GATB: variants seen among roughly 807,000 people sequenced by gnomAD.
GATB encodes glutamyl-tRNA(Gln) amidotransferase subunit B, mitochondrial.
GATB carries 39 observed loss-of-function variants against 62.3 expected under a neutral mutation model. The observed-to-expected ratio is 0.63, with a 90% CI of 0.48 to 0.82. GATB has a LOEUF of 0.82. GATB is among the 40% of genes least tolerant of loss of function. GATB has a pLI of 0.00. For synonymous variants in GATB, 276 were observed against 258.9 expected, an observed-to-expected ratio of 1.07 and a Z score of -0.63; for missense variants, 670 against 684.0, an observed-to-expected ratio of 0.98 and a Z score of 0.23.
At chr4:151,672,695 C>T (rs1210867331) in intron 12 of GATB, 67 bp downstream of exon 12, 44 of 1,541,304 alleles carry the variant, frequency 2.9e-5, no homozygotes, top group Admixed American at 7.6e-5. Flanking sequence ...CCACAGGGAG[C>T]GATGGCGAGG....
intron 8 of GATB, among the ~76,000 whole-genome samples, chr4:151,702,118 A>G (rs969688280): frequency 7.2e-5 from 11 of 152,256 alleles, no homozygotes; most frequent in African/African-American, 2.4e-4. Context: ...CACTGTTGAC[A>G]GAAACATCCA....
At chr4:151,693,850 T>C (rs1280518575) in intron 9 of GATB, among the ~76,000 whole-genome samples, 1 of 152,186 alleles carries the variant, frequency 6.6e-6, no homozygotes, top group Non-Finnish European at 1.5e-5. Context: ...AATGTGAAAA[T>C]GACTTTACAT....
At chr4:151,691,294 A>C (rs765153072) in intron 9 of GATB, among the ~76,000 whole-genome samples, 30 of 152,294 alleles carry the variant, frequency 2.0e-4, no homozygotes, top group Non-Finnish European at 4.0e-4. Context: ...CAGAGAGTCA[A>C]GTTCCCTGGC....
At chr4:151,695,396 A>G (rs1365580802) in intron 9 of GATB, among the ~76,000 whole-genome samples, 1 of 152,118 alleles carries the variant, frequency 6.6e-6, no homozygotes, top group Non-Finnish European at 1.5e-5. Context: ...TGTGGAATCA[A>G]GGGTGTCTGT....
chr4:151,716,112 C>T lies in GATB; in HGVS notation c.660G>A (p.Val220=), dbSNP rs1738908052. Residue 220 remains valine, a synonymous_variant, in exon 5 of 13, where the codon GTG becomes GTA. Coordinates refer to ENST00000263985, the MANE Select transcript of GATB (RefSeq NM_004564.3). The part of the protein sequence containing the change: ...LNRAGVGLLE[V]VLEPDMSCGE... ...CACAGGACATGTCGGGCTCCAGGAC[C>T]ACCTCCAGAAGGCCCACTCCTACCA... 6.2e-7 allele frequency: 1 copy of T among 1,613,708 alleles called. No individual in the cohort carries two copies.
chr4:151,679,451 G>A (rs925456494), intron 11 of GATB, among the ~76,000 whole-genome samples: 1 of 152,154 alleles, frequency 6.6e-6, no homozygotes, highest in African/African-American at 2.4e-5. Flanking sequence ...GAGGCGGTGT[G>A]GGGGCGGGAC....
chr4:151,707,368 A>C (rs1223469087), intron 6 of GATB, among the ~76,000 whole-genome samples: 1 of 152,114 alleles, frequency 6.6e-6, no homozygotes, highest in Non-Finnish European at 1.5e-5. Flanking sequence ...ATCACAGCTC[A>C]CTACAACCTC....
chr4:151,682,017 G>A (rs906287821), intron 10 of GATB, among the ~76,000 whole-genome samples: 1 of 152,110 alleles, frequency 6.6e-6, no homozygotes, highest in Non-Finnish European at 1.5e-5. Context: ...TCAGATCGCC[G>A]CAATGACATA....
Position 151,701,449 on chromosome 4 carries a change from G to C in GATB, c.1077C>G (p.Asp359Glu). The C allele has an allele frequency of 6.2e-7, 1 of 1,602,080 alleles. No individual in the cohort carries two copies. Among genetic ancestry groups the C allele is most frequent in the South Asian group, 1.1e-5 (1 of 88,880 alleles). The part of the protein sequence containing the change: ...YDATSLPAGA[D>E]PQQVINIDQI... Reference sequence around the variant, plus strand: ...GGTCAATATTGATCACTTGCTGTGGGTCTGCACCTGCGGGCAGAGATGTGG... The same window carrying C: ...GGTCAATATTGATCACTTGCTGTGGCTCTGCACCTGCGGGCAGAGATGTGG... Residue 359 changes from aspartate to glutamate, a missense_variant, in exon 9 of 13, where the codon GAC becomes GAG. Asp to Glu is a conservative substitution (Grantham distance 45, BLOSUM62 2). Transcript: ENST00000263985.
intron 10 of GATB, 115 bp downstream of exon 10, chr4:151,688,515 T>C: frequency 2.1e-6 from 2 of 961,840 alleles, no homozygotes; most frequent in Non-Finnish European, 3.1e-6. Flanking sequence ...GTTTGTGTCA[T>C]GTCAGGATAT....
chr4:151,753,853 C>T (rs1560867773), intron 2 of GATB, among the ~76,000 whole-genome samples: 1 of 152,192 alleles, frequency 6.6e-6, no homozygotes. Context: ...CTTTCACTTG[C>T]TGCATTCTGT....
At chr4:151,671,484 G>A (rs1191338472) in intron 12 of GATB, among the ~76,000 whole-genome samples, 182 bp from the exon 13 acceptor site, 1 of 152,188 alleles carries the variant, frequency 6.6e-6, no homozygotes, top group Non-Finnish European at 1.5e-5. Context: ...CTAGGCTCCT[G>A]TCAAAGGAGA....
At chr4:151,685,092 C>G (rs1380380915) in intron 10 of GATB, among the ~76,000 whole-genome samples, 1 of 152,300 alleles carries the variant, frequency 6.6e-6, no homozygotes, top group African/African-American at 2.4e-5. Flanking sequence ...TCTTCCAGGA[C>G]TAAAGTTCAG....
In GATB at chr4:151,688,759, T is replaced by A. The variant is rs759119923; in HGVS notation, c.1202A>T (p.Glu401Val). 6.5e-6 allele frequency: 10 copies of A among 1,550,210 alleles called. No homozygotes were observed. Among genetic ancestry groups the A allele is most frequent in the Non-Finnish European group, 6.9e-6 (8 of 1,164,590 alleles). Residue 401 changes from glutamate to valine, a missense_variant, in exon 10 of 13, where the codon GAA becomes GTA. Physicochemically the swap from Glu to Val is moderately radical, Grantham distance 121. Transcript: ENST00000263985. ...LLEHSFTLLN[E>V]VGLLEFFQNV... is the part of the protein sequence containing the mutation. ...TTGGAAGAACTCCAGTAGGCCGACT[T>A]CGTTCTGTTAAAAAAAAAAAAAGAA...
intron 2 of GATB, among the ~76,000 whole-genome samples, chr4:151,729,945 G>A (rs141821457): frequency 1.6e-3 from 238 of 152,296 alleles, no homozygotes; most frequent in African/African-American, 5.5e-3. Context: ...TTTACCTCCA[G>A]ATCAGCTGCA....
chr4:151,679,761 A>T, intron 11 of GATB, 52 bp downstream of exon 11: 3 of 1,480,952 alleles, frequency 2.0e-6, no homozygotes, highest in Non-Finnish European at 1.9e-6. Flanking sequence ...GTCACAGAAA[A>T]CATTTCTTGG....
chr4:151,720,891 A>G (rs1012124383), intron 2 of GATB: 13 of 152,220 alleles, frequency 8.5e-5, no homozygotes, highest in Non-Finnish European at 1.3e-4. Context: ...ACAAATTTCT[A>G]CAACAAAATG....
In GATB at chr4:151,716,138, A is replaced by G. The variant is rs1738908675; in HGVS notation, c.641-7T>C. The G allele has an allele frequency of 1.9e-6, 3 of 1,611,872 alleles. No homozygotes were observed. On this transcript the variant is annotated splice_region_variant and splice_polypyrimidine_tract_variant and intron_variant, in intron 4 of 12. Coordinates refer to ENST00000263985, the MANE Select transcript of GATB (RefSeq NM_004564.3). ...ACCTCCAGAAGGCCCACTCCTACCA[A>G]AGAGGGGCAGAGTCAGCCTCACTGC... is the stretch of plus-strand genomic sequence containing the variant.
chr4:151,682,390 C>A (rs1738158065), intron 10 of GATB, among the ~76,000 whole-genome samples: 1 of 152,174 alleles, frequency 6.6e-6, no homozygotes, highest in South Asian at 2.1e-4. Context: ...AATAAATAAA[C>A]CCTCAGACTC....
Sources: gnomAD v4.1 joint callset for allele counts (sites outside exome capture counted in the v4.1 genomes callset) on GRCh38, gnomAD v4.1.1 for gene constraint, MANE v1.5 for transcripts, NCBI Gene and HGNC (gene_info 2026-07-23, HGNC 2026-07-21) for gene names.